The following INIP variants were observed in gnomAD, a reference collection of about 807,000 sequenced individuals.
INIP encodes INTS3 and NABP interacting protein, also known as SOSS complex subunit C.
Under a neutral mutation model 14.0 loss-of-function variants are expected in INIP, and 9 were observed. The observed-to-expected ratio is 0.64, with a 90% CI of 0.39 to 1.12. The LOEUF (loss-of-function observed/expected upper bound fraction) is 1.12. Among genes scored for constraint, INIP ranks in the 50% most tolerant of loss-of-function variants. INIP has a pLI of 0.01. For synonymous variants in INIP, 37 were observed against 41.5 expected, an observed-to-expected ratio of 0.89 and a Z score of 0.41; for missense variants, 78 against 122.7, an observed-to-expected ratio of 0.64 and a Z score of 1.72.
chr9:112,707,182 G>A (rs992234502), intron 2 of INIP, among the ~76,000 whole-genome samples: 11 of 150,054 alleles, frequency 7.3e-5, no homozygotes, highest in East Asian at 2.0e-4. Flanking sequence ...CAGGTGATCC[G>A]CCCACTTTGG....
intron 2 of INIP, among the ~76,000 whole-genome samples, chr9:112,706,975 GATC>G (rs1415117011): frequency 2.0e-5 from 3 of 151,940 alleles, no homozygotes; most frequent in African/African-American, 7.3e-5. Context: ...GCAATGGCGT[GATC>G]TCGGCTCACC....
chr9:112,695,286 T>C (rs1246527326), intron 2 of INIP, among the ~76,000 whole-genome samples: 2 of 144,648 alleles, frequency 1.4e-5, no homozygotes, highest in Non-Finnish European at 3.0e-5. Flanking sequence ...ATAAGGACGA[T>C]GATGGCTCAG....
chr9:112,712,443 C>T (rs1838676046), intron 2 of INIP, among the ~76,000 whole-genome samples: 1 of 150,870 alleles, frequency 6.6e-6, no homozygotes, highest in South Asian at 2.1e-4. Context: ...CAAATCACAA[C>T]TTATAAGAAG....
chr9:112,694,277 TA>T (rs775278476), intron 2 of INIP, 44 bp from the exon 3 acceptor site: 3 of 1,191,284 alleles, frequency 2.5e-6, no homozygotes, highest in Middle Eastern at 1.9e-4. Context: ...AAAGAGAGAG[TA>T]ATCAGAAACA....
intron 2 of INIP, among the ~76,000 whole-genome samples, chr9:112,712,606 G>A (rs1838680894): frequency 6.6e-6 from 1 of 152,136 alleles, no homozygotes; most frequent in Non-Finnish European, 1.5e-5. Context: ...ATAAATAAAA[G>A]GGGTATTTTA....
At chr9:112,716,990 A>T (rs1213966176) in intron 1 of INIP, among the ~76,000 whole-genome samples, 1 of 152,096 alleles carries the variant, frequency 6.6e-6, no homozygotes, top group Non-Finnish European at 1.5e-5. Context: ...AAAGAAAGAA[A>T]GATACATTTG....
intron 2 of INIP, 97 bp downstream of exon 2, chr9:112,716,363 TG>T (rs2131321828): frequency 9.0e-7 from 1 of 1,111,588 alleles, no homozygotes. Context: ...TTTTAAATTC[TG>T]GCTACAGTAA....
At chr9:112,702,656 C>T (rs2131301578) in intron 2 of INIP, among the ~76,000 whole-genome samples, 1 of 152,264 alleles carries the variant, frequency 6.6e-6, no homozygotes, top group African/African-American at 2.4e-5. Context: ...CCTCTGCCTC[C>T]CAGGTTCAAG....
rs1837680315 is a variant in INIP at position 112,686,663 on chromosome 9, A to AT, written c.*874dup. ...AGGCGTGTGCCACCACACATGGCTA[A>AT]TTTTTTATACTTTTAGTAGAGACAG... On this transcript the variant is annotated 3_prime_UTR_variant, in exon 5 of 5. Coordinates refer to ENST00000374242, the MANE Select transcript of INIP (RefSeq NM_021218.3). The AT allele has an allele frequency of 6.6e-6, 1 of 152,168 alleles. No homozygotes were observed. Among genetic ancestry groups the AT allele is most frequent in the Non-Finnish European group, 1.5e-5 (1 of 68,054 alleles). The allele number at this position is 152,168 out of a possible 1,614,324, so 9.4% of individuals were successfully genotyped here. A position where few individuals can be genotyped will look rare whatever the true frequency, so the allele number is the denominator to read the frequency against.
chr9:112,718,092 C>G lies in INIP; in HGVS notation c.-162G>C, dbSNP rs1838893121. ...CTCAACTCGCGGCACTACAACCTTC[C>G]CGCCCCCGCTGCGCTTCCGCCTCCT... On this transcript the variant is annotated 5_prime_UTR_variant, in exon 1 of 5. Coordinates refer to ENST00000374242, the MANE Select transcript of INIP (RefSeq NM_021218.3). 1 of 152,722 alleles carries G rather than the reference C, an allele frequency of 6.5e-6. No individual in the cohort carries two copies. Among genetic ancestry groups the G allele is most frequent in the Non-Finnish European group, 1.5e-5 (1 of 68,086 alleles). 9.5% of individuals were successfully genotyped at this position (152,722 alleles called of 1,614,324 possible). A position where few individuals can be genotyped will look rare whatever the true frequency, so the allele number is the denominator to read the frequency against.
rs1180210283 is a variant in INIP, at chr9:112,684,774, A to C, written c.*2764T>G. 6.6e-6 allele frequency: 1 copy of C among 152,182 alleles called. No individual in the cohort carries two copies. The highest frequency in any genetic ancestry group is 1.5e-5 in the Non-Finnish European group (1 of 68,040). 9.4% of individuals were successfully genotyped at this position (152,182 alleles called of 1,614,324 possible). A position where few individuals can be genotyped will look rare whatever the true frequency, so the allele number is the denominator to read the frequency against. Reference sequence around the variant, plus strand: ...AAAACACTAGTCTAGACAATTTCTGACATGGGCAGAGCATGTGCTTGTTCT... The same window carrying C: ...AAAACACTAGTCTAGACAATTTCTGCCATGGGCAGAGCATGTGCTTGTTCT... On this transcript the variant is annotated 3_prime_UTR_variant, in exon 5 of 5. Coordinates refer to ENST00000374242, the MANE Select transcript of INIP (RefSeq NM_021218.3).
At chr9:112,717,912 C>T (rs1838880089) in intron 1 of INIP, 75 bp downstream of exon 1, 1 of 152,672 alleles carries the variant, frequency 6.5e-6, no homozygotes, top group Non-Finnish European at 1.5e-5. Flanking sequence ...CCTGTAGCAA[C>T]AAAGACGGCG....
rs773775168 is a variant in INIP at position 112,689,596 on chromosome 9, A to C, written c.150T>G (p.Ser50=). 7 of 1,614,142 alleles carry C rather than the reference A, an allele frequency of 4.3e-6. No individual in the cohort carries two copies. Among genetic ancestry groups the C allele is most frequent in the Non-Finnish European group, 5.9e-6 (7 of 1,179,990 alleles). ...CGTGATCCCGGAAGTCCTTATTAAG[A>C]GAGGGTCTCGAGAGTGCAATGCTAA... ...PGASIALSRP[S]LNKDFRDHAE... Residue 50 remains serine (S), a synonymous_variant, in exon 4 of 5, where the codon TCT becomes TCG. Transcript: ENST00000374242.
At chr9:112,688,507 A>ACTGTTTTT (rs1438989085) in intron 4 of INIP, among the ~76,000 whole-genome samples, 3 of 150,012 alleles carry the variant, frequency 2.0e-5, no homozygotes, top group Non-Finnish European at 4.4e-5. Flanking sequence ...AAAAAAAAAG[A>ACTGTTTTT]CTGTTTTTAA....
chr9:112,699,800 G>GT (rs1161752605), intron 2 of INIP, among the ~76,000 whole-genome samples: 1 of 151,978 alleles, frequency 6.6e-6, no homozygotes, highest in East Asian at 1.9e-4. Flanking sequence ...TTTCCACTTG[G>GT]TATCAATGAC....
At chr9:112,696,782 T>C (rs573164951) in intron 2 of INIP, among the ~76,000 whole-genome samples, 2 of 152,336 alleles carry the variant, frequency 1.3e-5, no homozygotes, top group East Asian at 1.9e-4. Context: ...CACTAGTTTA[T>C]TAATAAAGGG....
chr9:112,687,496 A>T lies in INIP; in HGVS notation c.*42T>A. On this transcript the variant is annotated 3_prime_UTR_variant, in exon 5 of 5. Transcript: ENST00000374242. ...AGCACTGAATGATAGTAGCTTTGGC[A>T]TTTGATATTACAAAGTCACTTTTCC... is the stretch of plus-strand genomic sequence containing the variant. 1 of 1,238,200 alleles carries T rather than the reference A, an allele frequency of 8.1e-7. No homozygotes were observed. Among genetic ancestry groups the T allele is most frequent in the South Asian group, 1.2e-5 (1 of 82,318 alleles). The allele number at this position is 1,238,200 out of a possible 1,614,324, so 76.7% of individuals were successfully genotyped here.
At position 112,693,399 on chromosome 9, in the gene INIP, A is replaced by T. The variant is rs765310298; in HGVS notation, c.128+732T>A. ...ACAGCAGCAGAGGACTCTGCCAACA[A>T]GCCTTACTCCATTCGTTTTCTCCAT... On this transcript the variant is annotated intron_variant, in intron 3 of 4. Transcript: ENST00000374242. 6.9e-4 allele frequency among the ~76,000 whole-genome samples: 105 copies of T among 152,154 alleles called. 1 individual carries two copies. The highest frequency in any genetic ancestry group is 1.4e-3 in the Non-Finnish European group (93 of 68,024).
At position 112,685,749 on chromosome 9, in the gene INIP, G is replaced by A. The variant is rs1168399809; in HGVS notation, c.*1789C>T. ...CTCAAGACAATGAGGGCTACCATAA[G>A]GAGGCCCAAGGAGTAGTTGGATGGA... On this transcript the variant is annotated 3_prime_UTR_variant, in exon 5 of 5. Coordinates refer to ENST00000374242, the MANE Select transcript of INIP (RefSeq NM_021218.3). 1 of 152,206 alleles carries A rather than the reference G, an allele frequency of 6.6e-6. No homozygotes were observed. The highest frequency in any genetic ancestry group is 1.9e-4 in the East Asian group (1 of 5,202). 9.4% of individuals were successfully genotyped at this position (152,206 alleles called of 1,614,324 possible). A position where few individuals can be genotyped will look rare whatever the true frequency, so the allele number is the denominator to read the frequency against.
Sources: gnomAD v4.1 joint callset for allele counts (sites outside exome capture counted in the v4.1 genomes callset) on GRCh38, gnomAD v4.1.1 for gene constraint, MANE v1.5 for transcripts, NCBI Gene and HGNC (gene_info 2026-07-23, HGNC 2026-07-21) for gene names.